The following CXCL14 variants were observed in gnomAD, a reference collection of about 807,000 sequenced individuals.
The protein encoded by CXCL14 is C-X-C motif chemokine 14.
CXCL14 carries 9 observed loss-of-function variants against 16.1 expected under a neutral mutation model. That is an observed-to-expected ratio of 0.56 (90% CI 0.34 to 0.97). The LOEUF (loss-of-function observed/expected upper bound fraction) is 0.97. CXCL14 is among the 50% of genes least tolerant of loss of function. CXCL14 has a pLI of 0.02. For synonymous variants in CXCL14, 55 were observed against 52.8 expected (o/e 1.04, Z -0.18); for missense variants, 111 against 132.5 (o/e 0.84, Z 0.80).
At chr5:135,571,959 C>A in intron 3 of CXCL14, 91 bp from the exon 4 acceptor site, 3 of 1,333,190 alleles carry the variant, frequency 2.3e-6, no homozygotes, top group South Asian at 2.4e-5. Context: ...CACGTCTGGT[C>A]TGCAGGGAAT....
Position 135,578,438 on chromosome 5 carries a change from C to G in CXCL14, c.166G>C (p.Val56Leu), listed in dbSNP as rs1751151214. The change falls in exon 2 of 4, where the codon GTT (valine) becomes CTT (leucine). Residue 56 changes from valine to leucine, a missense_variant. Physicochemically the swap from Val to Leu is conservative, Grantham distance 32. Coordinates refer to ENST00000512158, the MANE Select transcript of CXCL14 (RefSeq NM_004887.5). ...AGGTGAGGAGCGAGAACTCACATAA[C>G]CATCTTCTCCTCGCAGTGCGGGTAC... ...PKYPHCEEKM[V>L]IITTKSVSRY... 1.2e-6 allele frequency: 2 copies of G among 1,613,704 alleles called. No homozygotes were observed. The highest frequency in any genetic ancestry group is 4.5e-5 in the East Asian group (2 of 44,884).
chr5:135,575,545 T>C (rs1751085613), intron 2 of CXCL14, among the ~76,000 whole-genome samples: 1 of 152,158 alleles, frequency 6.6e-6, no homozygotes, highest in Admixed American at 6.5e-5. Context: ...AAAGATACAA[T>C]CTTTAGAAAG....
intron 2 of CXCL14, among the ~76,000 whole-genome samples, chr5:135,576,517 G>GA (rs1273181993): frequency 6.6e-6 from 1 of 152,192 alleles, no homozygotes; most frequent in African/African-American, 2.4e-5. Context: ...CTGGGATTAT[G>GA]AAAATCGGTT....
chr5:135,570,805 G>C lies in CXCL14; in HGVS notation c.*1048C>G, dbSNP rs551582832. On this transcript the variant is annotated 3_prime_UTR_variant, in exon 4 of 4. Transcript: ENST00000512158. ...ACAGCAGTACAATGCGGCATATACT[G>C]GGGGGCAGTGTGTGGAGGGGGCGTT... 6.6e-6 allele frequency: 1 copy of C among 152,202 alleles called. No homozygotes were observed. The highest frequency in any genetic ancestry group is 6.6e-5 in the Admixed American group (1 of 15,264). The allele number at this position is 152,202 out of a possible 1,614,324, so 9.4% of individuals were successfully genotyped here. A position where few individuals can be genotyped will look rare whatever the true frequency, so the allele number is the denominator to read the frequency against.
At chr5:135,572,657 C>T (rs1751045203) in intron 3 of CXCL14, among the ~76,000 whole-genome samples, 1 of 152,176 alleles carries the variant, frequency 6.6e-6, no homozygotes, top group Non-Finnish European at 1.5e-5. Context: ...TGAGTAAGAC[C>T]ACTGAATTAT....
At position 135,574,698 on chromosome 5, in the gene CXCL14, A is replaced by G. The variant is rs1194312231; in HGVS notation, c.171-13T>C. 3 of 1,605,382 alleles carry G rather than the reference A, an allele frequency of 1.9e-6. No individual in the cohort carries two copies. In the African/African-American group the frequency reaches 4.0e-5, roughly 21 times the overall value. On this transcript the variant is annotated splice_polypyrimidine_tract_variant and intron_variant, in intron 2 of 3. Coordinates refer to ENST00000512158, the MANE Select transcript of CXCL14 (RefSeq NM_004887.5). ...CTTGGTGGTGATGCTGAAACGGAGC[A>G]GGATGAGGTGGAGGGTTGAGGAGCC...
At chr5:135,574,369 G>C (rs1751067634) in intron 3 of CXCL14, among the ~76,000 whole-genome samples, 1 of 152,270 alleles carries the variant, frequency 6.6e-6, no homozygotes, top group Non-Finnish European at 1.5e-5. Context: ...ATGGACAAGA[G>C]ATGGATAGCT....
At chr5:135,572,829 T>TTC (rs1482163947) in intron 3 of CXCL14, among the ~76,000 whole-genome samples, 2 of 151,782 alleles carry the variant, frequency 1.3e-5, no homozygotes, top group Non-Finnish European at 2.9e-5. Flanking sequence ...GGCATTCTCT[T>TTC]TCTCTCTCTC....
intron 3 of CXCL14, among the ~76,000 whole-genome samples, chr5:135,572,672 T>C (rs1189140708): frequency 6.6e-6 from 1 of 152,232 alleles, no homozygotes; most frequent in Non-Finnish European, 1.5e-5. Context: ...AATTATCCAT[T>C]GAAATAAAAT....
intron 2 of CXCL14, 100 bp downstream of exon 2, chr5:135,578,334 C>T (rs1483107220): frequency 1.0e-6 from 1 of 984,624 alleles, no homozygotes; most frequent in Non-Finnish European, 1.6e-6. Context: ...TTGACAAAGT[C>T]GGAGAGAAAT....
rs1490101068 is a variant in CXCL14, at chr5:135,571,585, T to A, written c.*268A>T. The A allele has an allele frequency of 5.1e-5, 24 of 466,944 alleles. No homozygotes were observed. In the East Asian group the frequency reaches 7.7e-4, roughly 15 times the overall value. The allele number at this position is 466,944 out of a possible 1,614,324, so 28.9% of individuals were successfully genotyped here. Reference sequence around the variant, plus strand: ...AAGGCATGAGTTTTCCCCTTTTTGATAAAAAGCAGCCTGTGATGAAGTCTG... The same window carrying A: ...AAGGCATGAGTTTTCCCCTTTTTGAAAAAAAGCAGCCTGTGATGAAGTCTG... On this transcript the variant is annotated 3_prime_UTR_variant, in exon 4 of 4. Coordinates refer to ENST00000512158, the MANE Select transcript of CXCL14 (RefSeq NM_004887.5).
At chr5:135,578,195 C>G (rs1292486832) in intron 2 of CXCL14, among the ~76,000 whole-genome samples, 2 of 152,166 alleles carry the variant, frequency 1.3e-5, no homozygotes, top group African/African-American at 4.8e-5. Context: ...TCATTTGAAT[C>G]CTAGCAAGGG....
In CXCL14 at chr5:135,571,787, ATCTGC is replaced by A; in HGVS notation, c.*61_*65del. On this transcript the variant is annotated 3_prime_UTR_variant, in exon 4 of 4. Coordinates refer to ENST00000512158, the MANE Select transcript of CXCL14 (RefSeq NM_004887.5). ...TTTTTTTTTTTTTTTTTTTTTTTTA[ATCTGC>A]AAAGTCCTTTGCACAAGTCTCCCAA... The A allele has an allele frequency of 5.7e-6, 2 of 349,816 alleles. No homozygotes were observed. The highest frequency in any genetic ancestry group is 9.8e-6 in the Non-Finnish European group (2 of 203,388). 21.7% of individuals were successfully genotyped at this position (349,816 alleles called of 1,614,324 possible). A position where few individuals can be genotyped will look rare whatever the true frequency, so the allele number is the denominator to read the frequency against.
rs945555366 is a variant in CXCL14 at position 135,578,837 on chromosome 5, A to C, written c.-59T>G. On this transcript the variant is annotated 5_prime_UTR_variant, in exon 1 of 4. Transcript: ENST00000512158. ...CATGGGGAGGGCGCTGGCCCGTCGG[A>C]GCGGCGGCCCGGAGACGCCACCCAG... 2.0e-6 allele frequency: 3 copies of C among 1,476,598 alleles called. No homozygotes were observed. Among genetic ancestry groups the C allele is most frequent in the Admixed American group, 5.6e-5 (2 of 35,698 alleles). The allele number at this position is 1,476,598 out of a possible 1,614,324, so 91.5% of individuals were successfully genotyped here. A position where few individuals can be genotyped will look rare whatever the true frequency, so the allele number is the denominator to read the frequency against.
chr5:135,572,768 C>G (rs192904964), intron 3 of CXCL14, among the ~76,000 whole-genome samples: 5 of 152,348 alleles, frequency 3.3e-5, no homozygotes, highest in African/African-American at 1.2e-4. Flanking sequence ...TGTGTGGCCC[C>G]CATGGGCCTG....
At position 135,571,619 on chromosome 5, in the gene CXCL14, G is replaced by A; in HGVS notation, c.*234C>T. On this transcript the variant is annotated 3_prime_UTR_variant, in exon 4 of 4. Transcript: ENST00000512158. ...GCCTGTGATGAAGTCTGGAGCACAAGAGAGATGGGTCTCCCATCTGGAAGC... is the reference window on the plus strand; with the variant it reads ...GCCTGTGATGAAGTCTGGAGCACAAAAGAGATGGGTCTCCCATCTGGAAGC... 2.0e-6 allele frequency: 1 copy of A among 511,350 alleles called. No individual in the cohort carries two copies. The highest frequency in any genetic ancestry group is 3.2e-5 in the South Asian group (1 of 31,728). The allele number at this position is 511,350 out of a possible 1,614,324, so 31.7% of individuals were successfully genotyped here.
chr5:135,577,264 A>G (rs1310922015), intron 2 of CXCL14, among the ~76,000 whole-genome samples: 1 of 152,170 alleles, frequency 6.6e-6, no homozygotes, highest in Non-Finnish European at 1.5e-5. Context: ...CCCAAACTGG[A>G]AGCCCTGAGG....
chr5:135,574,539 G>T (rs746744931), intron 3 of CXCL14, 33 bp downstream of exon 3: 13 of 1,578,344 alleles, frequency 8.2e-6, no homozygotes, highest in Admixed American at 1.7e-5. Context: ...GCTGGGTCTG[G>T]TGGGAAGGAA....
At position 135,578,884 on chromosome 5, in the gene CXCL14, C is replaced by G; in HGVS notation, c.-106G>C. ...CCAGCTCTGCTCGGCTTTCTCTGCC[C>G]GGGGCGCGCCTTCCGGCTCTGCTGG... On this transcript the variant is annotated 5_prime_UTR_variant, in exon 1 of 4. Coordinates refer to ENST00000512158, the MANE Select transcript of CXCL14 (RefSeq NM_004887.5). 1.6e-6 allele frequency: 2 copies of G among 1,243,276 alleles called. No individual in the cohort carries two copies. The highest frequency in any genetic ancestry group is 2.1e-6 in the Non-Finnish European group (2 of 942,676). 77.0% of individuals were successfully genotyped at this position (1,243,276 alleles called of 1,614,324 possible).
Sources: gnomAD v4.1 joint callset for allele counts (sites outside exome capture counted in the v4.1 genomes callset) on GRCh38, gnomAD v4.1.1 for gene constraint, MANE v1.5 for transcripts, NCBI Gene and HGNC (gene_info 2026-07-23, HGNC 2026-07-21) for gene names.